Variants in IPP observed in about 807,000 individuals in gnomAD.
The protein encoded by IPP is intracisternal A particle-promoted polypeptide, also known as actin-binding protein IPP.
Under a neutral mutation model 64.1 loss-of-function variants are expected in IPP, and 41 were observed. The ratio of observed to expected loss-of-function variants is 0.64; its 90% CI spans 0.50 to 0.83. IPP has a LOEUF of 0.83. IPP is among the 40% of genes least tolerant of loss of function. The pLI is 0.00. For synonymous variants in IPP, 214 were observed against 235.2 expected (o/e 0.91, Z 0.83); for missense variants, 649 against 703.0 (o/e 0.92, Z 0.87).
chr1:45,739,122 A>G (rs142492977), intron 3 of IPP, among the ~76,000 whole-genome samples: 1,776 of 152,222 alleles, frequency 0.012, 26 homozygotes, highest in African/African-American at 0.037. Flanking sequence ...AAAACTAATA[A>G]CTCATTATTT....
chr1:45,730,625 C>T (rs185841446), intron 3 of IPP, among the ~76,000 whole-genome samples: 17 of 152,268 alleles, frequency 1.1e-4, no homozygotes, highest in African/African-American at 1.4e-4. Flanking sequence ...AGGAGGTAAA[C>T]GGCATGAGAG....
chr1:45,713,197 G>A (rs1645612999), intron 8 of IPP, among the ~76,000 whole-genome samples: 1 of 152,100 alleles, frequency 6.6e-6, no homozygotes, highest in Non-Finnish European at 1.5e-5. Flanking sequence ...GGATGCCAAG[G>A]CAGGAGAATC....
chr1:45,741,623 C>CTTTTTTTTTTTTTTTTT (rs57797396), intron 2 of IPP, among the ~76,000 whole-genome samples: 3 of 96,128 alleles, frequency 3.1e-5, no homozygotes, highest in Admixed American at 1.2e-4. Context: ...TTCTTATTTT[C>CTTTTTTTTTTTTTTTTT]TTTTTTTTTT....
At chr1:45,696,763 A>G (rs1645391331), downstream of IPP, 1 of 152,396 alleles carries the variant, frequency 6.6e-6, no homozygotes, top group Admixed American at 6.5e-5. Flanking sequence ...CTGGGCAACA[A>G]GAGCGAAACT....
chr1:45,732,791 C>T (rs1168737631), intron 3 of IPP, among the ~76,000 whole-genome samples: 1 of 151,940 alleles, frequency 6.6e-6, no homozygotes, highest in East Asian at 1.9e-4. Flanking sequence ...CTCAGCCTTC[C>T]GAGTAGCTAG....
At position 45,714,245 on chromosome 1, in the gene IPP, C is replaced by T. The variant is rs1025792652; in HGVS notation, c.1530+1G>A. The stretch of plus-strand genomic sequence containing the variant: ...TAAATATCTGAAATCATCCAACCTA[C>T]CTCTTCAAAGGAATATTTTTCTACA... On this transcript the variant is annotated splice_donor_variant, in intron 8 of 8. Coordinates refer to ENST00000396478, the MANE Select transcript of IPP (RefSeq NM_005897.3). LOFTEE classifies it high-confidence loss of function. 1 of 1,602,696 alleles carries T rather than the reference C, an allele frequency of 6.2e-7. No homozygotes were observed. Among genetic ancestry groups the T allele is most frequent in the Non-Finnish European group, 8.5e-7 (1 of 1,169,610 alleles).
At chr1:45,703,739 G>A (rs1304080879) in intron 8 of IPP, among the ~76,000 whole-genome samples, 1 of 152,110 alleles carries the variant, frequency 6.6e-6, no homozygotes, top group East Asian at 1.9e-4. Flanking sequence ...AATTAATTCG[G>A]AAAAAGCTGG....
At chr1:45,711,354 A>G in intron 8 of IPP, among the ~76,000 whole-genome samples, 1 of 152,074 alleles carries the variant, frequency 6.6e-6, no homozygotes, top group East Asian at 1.9e-4. Context: ...ACAAAAAACA[A>G]AAAAAACCAG....
chr1:45,720,380 C>A (rs1355569516), intron 5 of IPP, among the ~76,000 whole-genome samples: 2 of 151,900 alleles, frequency 1.3e-5, no homozygotes, highest in Non-Finnish European at 2.9e-5. Context: ...GAATAATGCT[C>A]ATGAATTATA....
Position 45,698,955 on chromosome 1 carries a change from C to T in IPP, c.*1011G>A. 1.4e-6 allele frequency: 1 copy of T among 738,620 alleles called. No homozygotes were observed. The highest frequency in any genetic ancestry group is 1.7e-6 in the Non-Finnish European group (1 of 604,754). The allele number at this position is 738,620 out of a possible 1,614,324, so 45.8% of individuals were successfully genotyped here. A position where few individuals can be genotyped will look rare whatever the true frequency, so the allele number is the denominator to read the frequency against. On this transcript the variant is annotated 3_prime_UTR_variant, in exon 9 of 9. Transcript: ENST00000396478. ...CAGGCTAGTCTCGAACTCCTGAGTTCAAGCCATCTTCCCGTCTCACCTCGG... is the reference window on the plus strand; with the variant it reads ...CAGGCTAGTCTCGAACTCCTGAGTTTAAGCCATCTTCCCGTCTCACCTCGG...
intron 2 of IPP, 103 bp downstream of exon 2, chr1:45,746,017 G>A (rs1021164670): frequency 2.1e-6 from 2 of 967,546 alleles, no homozygotes; most frequent in African/African-American, 1.6e-5. Context: ...ATAACATGTT[G>A]CTAAATTACC....
At chr1:45,706,700 T>C (rs926536382) in intron 8 of IPP, among the ~76,000 whole-genome samples, 1 of 152,200 alleles carries the variant, frequency 6.6e-6, no homozygotes, top group Non-Finnish European at 1.5e-5. Context: ...TCCACCCATC[T>C]TGGCCTCCCA....
At chr1:45,742,578 G>C (rs1224804190) in intron 2 of IPP, among the ~76,000 whole-genome samples, 7 of 152,154 alleles carry the variant, frequency 4.6e-5, no homozygotes, top group African/African-American at 1.7e-4. Context: ...CTGTTGTCCA[G>C]GCTGGAGTGC....
In IPP at chr1:45,729,374, C is replaced by T. The variant is rs145048708; in HGVS notation, c.880+240G>A. ...ACTTATTTGATAACTGGATAATCTA[C>T]GAACTCAAAGGTTTAGATCACAGAA... On this transcript the variant is annotated intron_variant, in intron 4 of 8. Coordinates refer to ENST00000396478, the MANE Select transcript of IPP (RefSeq NM_005897.3). Among the ~76,000 whole-genome samples, 514 of 152,108 alleles carry T rather than the reference C, an allele frequency of 3.4e-3. 2 individuals carry two copies. The highest frequency in any genetic ancestry group is 6.8e-3 in the Middle Eastern group (2 of 294).
intron 3 of IPP, among the ~76,000 whole-genome samples, chr1:45,739,090 T>C (rs570359114): frequency 6.6e-6 from 1 of 152,182 alleles, no homozygotes; most frequent in Non-Finnish European, 1.5e-5. Context: ...CAAAATTATG[T>C]TAACATTGCT....
chr1:45,747,204 A>T (rs1250324772), intron 1 of IPP, among the ~76,000 whole-genome samples: 1 of 151,972 alleles, frequency 6.6e-6, no homozygotes, highest in East Asian at 1.9e-4. Context: ...CCAGTATATA[A>T]CATATGTTAG....
chr1:45,724,849 G>C (rs1340562167), intron 5 of IPP, among the ~76,000 whole-genome samples: 2 of 151,360 alleles, frequency 1.3e-5, no homozygotes, highest in African/African-American at 2.4e-5. Context: ...GAAGTGAGGA[G>C]CGTCTCCGCC....
chr1:45,698,646 T>C, downstream of IPP: 1 of 968,280 alleles, frequency 1.0e-6, no homozygotes, highest in Non-Finnish European at 1.2e-6. Flanking sequence ...TCTAATAAAA[T>C]TCCCTCTTCC....
At chr1:45,733,090 A>T (rs1645931649) in intron 3 of IPP, among the ~76,000 whole-genome samples, 1 of 152,166 alleles carries the variant, frequency 6.6e-6, no homozygotes, top group Admixed American at 6.6e-5. Flanking sequence ...TTCAAAACAA[A>T]TCAAGAATAA....
Sources: gnomAD v4.1 joint callset for allele counts (sites outside exome capture counted in the v4.1 genomes callset) on GRCh38, gnomAD v4.1.1 for gene constraint, MANE v1.5 for transcripts, NCBI Gene and HGNC (gene_info 2026-07-23, HGNC 2026-07-21) for gene names.